Variants in CLIP4 observed in about 807,000 individuals in gnomAD.
CLIP4 encodes CAP-Gly domain-containing linker protein 4.
CLIP4 carries 47 observed loss-of-function variants against 73.1 expected under a neutral mutation model. The observed-to-expected ratio is 0.64, with a 90% CI of 0.51 to 0.82. The LOEUF (loss-of-function observed/expected upper bound fraction) is 0.82, where lower values mean the gene tolerates loss of function less well. CLIP4 is among the 40% of genes least tolerant of loss of function. CLIP4 has a pLI of 0.00. For missense variants in CLIP4, 874 were observed against 852.9 expected, an observed-to-expected ratio of 1.02 and a Z score of -0.31; for synonymous variants, 306 against 295.4, an observed-to-expected ratio of 1.04 and a Z score of -0.37.
chr2:29,123,226 G>A (rs1664384902), intron 2 of CLIP4, among the ~76,000 whole-genome samples: 1 of 152,142 alleles, frequency 6.6e-6, no homozygotes, highest in African/African-American at 2.4e-5. Flanking sequence ...CTCATTGTCA[G>A]GATTTCTAGA....
chr2:29,145,712 T>A (rs1254596133), intron 8 of CLIP4, among the ~76,000 whole-genome samples: 3 of 152,282 alleles, frequency 2.0e-5, no homozygotes, highest in Non-Finnish European at 4.4e-5. Context: ...GACGGAGTCT[T>A]GCTCTGTCGC....
chr2:29,179,401 T>C (rs955389038), intron 15 of CLIP4, among the ~76,000 whole-genome samples: 2 of 152,234 alleles, frequency 1.3e-5, no homozygotes, highest in African/African-American at 4.8e-5. Context: ...GCCTCATTAT[T>C]TTTCAGCCTT....
At chr2:29,146,712 T>A (rs1332159070) in intron 8 of CLIP4, among the ~76,000 whole-genome samples, 1 of 152,208 alleles carries the variant, frequency 6.6e-6, no homozygotes, top group Non-Finnish European at 1.5e-5. Context: ...GGAGTCTGAC[T>A]GCTTTTGTGT....
intron 1 of CLIP4, 48 bp from the exon 2 acceptor site, chr2:29,121,326 T>A (rs1239019051): frequency 6.6e-7 from 1 of 1,519,974 alleles, no homozygotes; most frequent in East Asian, 2.3e-5. Flanking sequence ...TCATTCTAAG[T>A]TGCATACAAA....
intron 2 of CLIP4, chr2:29,129,984 T>G (rs780979596): frequency 3.2e-5 from 15 of 471,084 alleles, no homozygotes; most frequent in South Asian, 2.2e-4. Context: ...GCAGCTGCTC[T>G]GGAACACAGG....
chr2:29,180,960 A>G (rs2148125319), intron 15 of CLIP4, among the ~76,000 whole-genome samples: 1 of 152,252 alleles, frequency 6.6e-6, no homozygotes, highest in South Asian at 2.1e-4. Context: ...AATGTTAAAC[A>G]GAAGTACAGT....
At chr2:29,143,271 C>T (rs1259779532) in intron 6 of CLIP4, among the ~76,000 whole-genome samples, 1 of 142,566 alleles carries the variant, frequency 7.0e-6, no homozygotes, top group Non-Finnish European at 1.5e-5. Flanking sequence ...AGAACCTGCA[C>T]AGCTCCTCCC....
intron 8 of CLIP4, among the ~76,000 whole-genome samples, chr2:29,146,516 T>A (rs1027125016): frequency 1.3e-5 from 2 of 152,232 alleles, no homozygotes; most frequent in Non-Finnish European, 2.9e-5. Flanking sequence ...TTCCTCTCTC[T>A]CACACACACC....
Position 29,157,430 on chromosome 2 carries a change from G to A in CLIP4, c.1399+83G>A, listed in dbSNP as rs777037886. ...AAGTAGATTTGCTCTTTTTAAATGT[G>A]TAGAAGGAACCCTTTACTTCAATCA... On this transcript the variant is annotated intron_variant, in intron 11 of 15. Coordinates refer to ENST00000320081, the MANE Select transcript of CLIP4 (RefSeq NM_024692.6). The A allele has an allele frequency of 1.9e-5, 30 of 1,607,620 alleles. No individual in the cohort carries two copies. In the African/African-American group the frequency reaches 2.7e-4, roughly 14 times the overall value.
At chr2:29,132,109 C>G (rs754063786) in intron 3 of CLIP4, 43 bp from the exon 4 acceptor site, 1 of 1,454,844 alleles carries the variant, frequency 6.9e-7, no homozygotes, top group Admixed American at 1.7e-5. Context: ...CAATAGGTAC[C>G]TCAGTAGTTA....
intron 11 of CLIP4, among the ~76,000 whole-genome samples, chr2:29,158,407 C>T (rs1001725359): frequency 4.0e-5 from 6 of 151,346 alleles, no homozygotes; most frequent in African/African-American, 9.7e-5. Context: ...AGTAGTCTAG[C>T]GTGCCTATAT....
Position 29,171,581 on chromosome 2 carries a change from C to T in CLIP4, c.1724-2792C>T, listed in dbSNP as rs568337779. 4.4e-3 allele frequency among the ~76,000 whole-genome samples: 665 copies of T among 150,762 alleles called. 3 individuals are homozygous for T. The highest frequency in any genetic ancestry group is 6.8e-3 in the Non-Finnish European group (464 of 67,758). ...TCGCCCAGGCTGGAGTGCAGTGGCA[C>T]GATCTTGGCTCACTGCAAACTCCAT... is the stretch of plus-strand genomic sequence containing the variant. On this transcript the variant is annotated intron_variant, in intron 14 of 15. Coordinates refer to ENST00000320081, the MANE Select transcript of CLIP4 (RefSeq NM_024692.6).
chr2:29,171,411 T>G (rs912315055), intron 14 of CLIP4, among the ~76,000 whole-genome samples: 2 of 152,174 alleles, frequency 1.3e-5, no homozygotes, highest in African/African-American at 4.8e-5. Context: ...ATACCAACTT[T>G]CTTTTGGTTA....
At chr2:29,142,217 GA>G (rs1665820261) in intron 6 of CLIP4, among the ~76,000 whole-genome samples, 1 of 152,058 alleles carries the variant, frequency 6.6e-6, no homozygotes, top group Admixed American at 6.6e-5. Flanking sequence ...CACTTTAGAA[GA>G]AAGTGGAATT....
At chr2:29,151,758 G>T (rs566980847) in intron 8 of CLIP4, among the ~76,000 whole-genome samples, 131 of 152,290 alleles carry the variant, frequency 8.6e-4, no homozygotes, top group Non-Finnish European at 1.3e-3. Flanking sequence ...ATGAAAGAGT[G>T]TAATATACAT....
chr2:29,100,444 T>C (rs1172408791), intron 1 of CLIP4, among the ~76,000 whole-genome samples: 1 of 152,118 alleles, frequency 6.6e-6, no homozygotes, highest in African/African-American at 2.4e-5. Context: ...TTTCCTCTAC[T>C]GTTAATATCT....
intron 14 of CLIP4, 25 bp downstream of exon 14, chr2:29,167,565 CTAATCAATAT>C (rs1558576626): frequency 6.5e-7 from 1 of 1,536,196 alleles, no homozygotes; most frequent in East Asian, 2.3e-5. Context: ...TTTTGTGTTC[CTAATCAATAT>C]TTCTTTGCTT....
In CLIP4 at chr2:29,174,359, A is replaced by G. The variant is rs755143316; in HGVS notation, c.1724-14A>G. On this transcript the variant is annotated splice_polypyrimidine_tract_variant and intron_variant, in intron 14 of 15. Transcript: ENST00000320081. ...TTATATTTTTCCTCTGCTAACCCCA[A>G]CTTTCATATTTAGGTTTTAGGAGAA... 6.2e-7 allele frequency: 1 copy of G among 1,603,240 alleles called. No homozygotes were observed. The highest frequency in any genetic ancestry group is 8.5e-7 in the Non-Finnish European group (1 of 1,175,710).
chr2:29,146,159 G>A (rs529986253), intron 8 of CLIP4, among the ~76,000 whole-genome samples: 2 of 152,288 alleles, frequency 1.3e-5, no homozygotes, highest in South Asian at 2.1e-4. Flanking sequence ...TTTTTCGTTA[G>A]TAGGCTGTGA....
Sources: allele counts gnomAD v4.1 joint callset (sites outside exome capture counted in the v4.1 genomes callset), GRCh38; gene constraint gnomAD v4.1.1; transcripts MANE v1.5; gene names NCBI Gene and HGNC (gene_info 2026-07-23, HGNC 2026-07-21).